The following FHAD1 variants were observed in gnomAD, a reference collection of about 807,000 sequenced individuals.
The protein encoded by FHAD1 is forkhead-associated domain-containing protein 1.
FHAD1 carries 146 observed loss-of-function variants against 191.3 expected under a neutral mutation model. The observed-to-expected ratio is 0.76, with a 90% CI of 0.67 to 0.88. The LOEUF is 0.88. Ranked by LOEUF, FHAD1 falls within the 40% of genes least tolerant of loss-of-function variation. The pLI is 0.00. For synonymous variants in FHAD1, 616 were observed against 672.3 expected (o/e 0.92, Z 1.29); for missense variants, 1,635 against 1,785.8 (o/e 0.92, Z 1.52).
chr1:15,252,444 G>A (rs1646897680), intron 2 of FHAD1, among the ~76,000 whole-genome samples: 1 of 152,186 alleles, frequency 6.6e-6, no homozygotes, highest in African/African-American at 2.4e-5. Flanking sequence ...ATGCCCAGGT[G>A]TTGCCATGGC....
chr1:15,317,922 A>G lies in FHAD1; in HGVS notation c.1359A>G (p.Lys453=). Residue 453 remains lysine (K), a synonymous_variant, in exon 10 of 34, where the codon AAA becomes AAG. Transcript: ENST00000688493. ...TGATCTCTAGGACTCTGAGAGAAAA[A>G]AGCAAGGTACGTAGTGGACAACAGG... is the stretch of plus-strand genomic sequence containing the variant. The part of the protein sequence containing the change: ...QSVISRTLRE[K]SKVEEKLQED... 1 of 1,550,256 alleles carries G rather than the reference A, an allele frequency of 6.5e-7. No homozygotes were observed. The highest frequency in any genetic ancestry group is 1.4e-5 in the African/African-American group (1 of 73,158).
chr1:15,344,271 CA>C (rs1351177682), intron 16 of FHAD1, among the ~76,000 whole-genome samples: 2 of 152,224 alleles, frequency 1.3e-5, no homozygotes, highest in Non-Finnish European at 2.9e-5. Context: ...TCCGAAAATA[CA>C]TGTGTCCAGG....
chr1:15,243,483 G>C (rs1413111619), upstream of FHAD1, among the ~76,000 whole-genome samples: 2 of 152,226 alleles, frequency 1.3e-5, no homozygotes, highest in African/African-American at 4.8e-5. Flanking sequence ...CCTGGCCGCG[G>C]CTGGGGCCTG....
chr1:15,264,316 A>G (rs1174228961), intron 2 of FHAD1, among the ~76,000 whole-genome samples: 1 of 152,106 alleles, frequency 6.6e-6, no homozygotes, highest in Admixed American at 6.6e-5. Context: ...TCTTTCGGCA[A>G]CATTGTGTAG....
intron 23 of FHAD1, 36 bp from the exon 24 acceptor site, chr1:15,365,791 A>C (rs1478159101): frequency 7.4e-7 from 1 of 1,347,878 alleles, no homozygotes; most frequent in East Asian, 2.5e-5. Context: ...ATGGAGTTTG[A>C]GTTGAACTGA....
chr1:15,322,958 ACTT>A (rs965110225), intron 10 of FHAD1, among the ~76,000 whole-genome samples: 1 of 152,156 alleles, frequency 6.6e-6, no homozygotes, highest in African/African-American at 2.4e-5. Context: ...GGCGAAAGGC[ACTT>A]CTTACATGGC....
chr1:15,325,587 T>G lies in FHAD1; in HGVS notation c.1473+1028T>G, dbSNP rs1482349746. 6.5e-6 allele frequency: 1 copy of G among 152,870 alleles called. No homozygotes were observed. Among genetic ancestry groups the G allele is most frequent in the Non-Finnish European group, 1.5e-5 (1 of 68,640 alleles). 9.5% of individuals were successfully genotyped at this position (152,870 alleles called of 1,614,324 possible). A position where few individuals can be genotyped will look rare whatever the true frequency, so the allele number is the denominator to read the frequency against. On this transcript the variant is annotated intron_variant, in intron 11 of 33. Coordinates refer to ENST00000688493, the MANE Select transcript of FHAD1 (RefSeq NM_001391957.1). The surrounding 1 kb of genome is among the most constrained non-coding windows in gnomAD (Gnocchi z 4.6). ...TTTCTCCTGTGGGGGCGCCAGCCCC[T>G]TATCAAGGGCAGAGAACCTGCCTGT...
chr1:15,339,536 G>C lies in FHAD1; in HGVS notation c.1962G>C (p.Gln654His). 2 of 1,285,974 alleles carry C rather than the reference G, an allele frequency of 1.6e-6. No individual in the cohort carries two copies. The highest frequency in any genetic ancestry group is 2.6e-5 in the South Asian group (2 of 78,336). 79.7% of individuals were successfully genotyped at this position (1,285,974 alleles called of 1,614,324 possible). Residue 654 changes from glutamine (Q) to histidine (H), a missense_variant, in exon 15 of 34, where the codon CAG becomes CAC. By Grantham distance (24) the Gln-to-His change is conservative (BLOSUM62 0). Coordinates refer to ENST00000688493, the MANE Select transcript of FHAD1 (RefSeq NM_001391957.1). ...LLEHYKKLMS[Q>H]AQELQIKFNS... ...AACATTATAAAAAACTTATGAGCCAGGCCCAGGAACTTCAGGTAATTCTTT... is the reference window on the plus strand; with the variant it reads ...AACATTATAAAAAACTTATGAGCCACGCCCAGGAACTTCAGGTAATTCTTT...
At chr1:15,398,708 C>T (rs1292044720), downstream of FHAD1, among the ~76,000 whole-genome samples, 1 of 151,744 alleles carries the variant, frequency 6.6e-6, no homozygotes, top group Non-Finnish European at 1.5e-5. Context: ...CCTTGCTGCA[C>T]TCTCTGCTCC....
intron 3 of FHAD1, among the ~76,000 whole-genome samples, chr1:15,284,687 A>G (rs1264694226): frequency 6.6e-6 from 1 of 152,066 alleles, no homozygotes; most frequent in Non-Finnish European, 1.5e-5. Context: ...TAGCGTAATA[A>G]CACAAGAAAC....
chr1:15,323,449 G>A (rs536614008), intron 10 of FHAD1, among the ~76,000 whole-genome samples: 159 of 152,284 alleles, frequency 1.0e-3, no homozygotes, highest in African/African-American at 3.7e-3. Context: ...GAGCTTAGCC[G>A]GCCTTCCCGG....
chr1:15,272,407 A>T lies in FHAD1; in HGVS notation c.178A>T (p.Asn60Tyr). The T allele has an allele frequency of 6.4e-7, 1 of 1,551,738 alleles. No individual in the cohort carries two copies. The highest frequency in any genetic ancestry group is 1.2e-5 in the South Asian group (1 of 84,064). The change falls in exon 3 of 34, where the codon AAC becomes TAC. Residue 60 changes from asparagine to tyrosine, a missense_variant. Transcript: ENST00000688493. ...TGTTCTCCAGGACTTCAATTCCCGC[A>T]ACGGCACGTTTGTCAACGAGTGCCA... ...SFVLQDFNSR[N>Y]GTFVNECHIQ... is the part of the protein sequence containing the mutation.
At chr1:15,370,305 T>A (rs557739936) in intron 26 of FHAD1, among the ~76,000 whole-genome samples, 19 of 152,292 alleles carry the variant, frequency 1.2e-4, no homozygotes, top group African/African-American at 4.3e-4. Flanking sequence ...GTAGATAATT[T>A]TTTTGCTAAT....
intron 2 of FHAD1, among the ~76,000 whole-genome samples, chr1:15,265,143 C>G (rs1652854913): frequency 6.6e-6 from 1 of 152,080 alleles, no homozygotes; most frequent in Non-Finnish European, 1.5e-5. Flanking sequence ...CTTATAATGT[C>G]TTTGGTTTTA....
chr1:15,272,592 T>C, intron 3 of FHAD1, 63 bp downstream of exon 3: 1 of 1,440,972 alleles, frequency 6.9e-7, no homozygotes, highest in South Asian at 1.3e-5. Flanking sequence ...GGCGCTCGGA[T>C]GCAGCTGCAG....
At position 15,276,137 on chromosome 1, in the gene FHAD1, A is replaced by G. The variant is rs989061648; in HGVS notation, c.300+3608A>G. Among the ~76,000 whole-genome samples, 35 of 152,330 alleles carry G rather than the reference A, an allele frequency of 2.3e-4. No individual in the cohort carries two copies. The highest frequency in any genetic ancestry group is 7.7e-4 in the African/African-American group (32 of 41,564). On this transcript the variant is annotated intron_variant, in intron 3 of 33. Transcript: ENST00000688493. The surrounding 1 kb of genome is among the most constrained non-coding windows in gnomAD (Gnocchi z 4.7). Reference sequence around the variant, plus strand: ...TTGACCAGCTGTGGGATCATGCACAAGTTGCTTCACCTCTCAAAGCCTCAG... The same window carrying G: ...TTGACCAGCTGTGGGATCATGCACAGGTTGCTTCACCTCTCAAAGCCTCAG...
In FHAD1 at chr1:15,360,480, C is replaced by T. The variant is rs759178039; in HGVS notation, c.2739C>T (p.Ile913=). 6 of 1,550,934 alleles carry T rather than the reference C, an allele frequency of 3.9e-6. No homozygotes were observed. The highest frequency in any genetic ancestry group is 5.2e-6 in the Non-Finnish European group (6 of 1,146,762). ...AELETTKTKM[I]MVEERLILQQ... ...CTGAGTGACTCTCTGTTTCCCAGAT[C>T]ATGGTGGAAGAGCGGCTAATCCTGC... is the stretch of plus-strand genomic sequence containing the variant. The change falls in exon 22 of 34, where the codon ATC becomes ATT. Residue 913 remains isoleucine (I), a splice_region_variant and synonymous_variant. Coordinates refer to ENST00000688493, the MANE Select transcript of FHAD1 (RefSeq NM_001391957.1).
chr1:15,301,153 G>A, intron 5 of FHAD1, 52 bp from the exon 6 acceptor site: 1 of 1,500,538 alleles, frequency 6.7e-7, no homozygotes, highest in Middle Eastern at 1.7e-4. Flanking sequence ...AATGGGCTCA[G>A]CCTCACACCT....
At chr1:15,339,816 C>T (rs530508346) in intron 15 of FHAD1, among the ~76,000 whole-genome samples, 1 of 152,054 alleles carries the variant, frequency 6.6e-6, no homozygotes, top group Non-Finnish European at 1.5e-5. Context: ...GTCAAAGGCC[C>T]AGAAGACTTA....
Sources: allele counts gnomAD v4.1 joint callset (sites outside exome capture counted in the v4.1 genomes callset), GRCh38; gene constraint gnomAD v4.1.1; non-coding constraint Gnocchi (gnomAD v3.1); transcripts MANE v1.5; gene names NCBI Gene and HGNC (gene_info 2026-07-23, HGNC 2026-07-21).